Variants in KDR observed in about 807,000 individuals in gnomAD.
The protein encoded by KDR is vascular endothelial growth factor receptor 2.
In KDR, 43 loss-of-function variants were observed where a neutral mutation model predicts 160.9. That is an observed-to-expected ratio of 0.27 (90% CI 0.21 to 0.34). KDR has a LOEUF of 0.34. Ranked by LOEUF, KDR falls within the 10% of genes least tolerant of loss-of-function variation. The probability of loss-of-function intolerance (pLI) is 1.00; values close to 1 mark genes in which losing one functional copy is unlikely to be tolerated. For missense variants in KDR, 1,469 were observed against 1,666.4 expected, an observed-to-expected ratio of 0.88 and a Z score of 2.06; for synonymous variants, 617 against 600.1, an observed-to-expected ratio of 1.03 and a Z score of -0.41.
chr4:55,094,887 G>A lies in KDR; in HGVS notation c.2886C>T (p.Arg962=). 6.2e-7 allele frequency: 1 copy of A among 1,613,968 alleles called. No homozygotes were observed. Among genetic ancestry groups the A allele is most frequent in the Non-Finnish European group, 8.5e-7 (1 of 1,179,866 alleles). The change falls in exon 21 of 30, where the codon CGC becomes CGT. Residue 962 remains arginine (R), a synonymous_variant. Transcript: ENST00000263923. ...VGAIPVDLKR[R]LDSITSSQSS... is the part of the protein sequence containing the mutation. ...TCTGGCTACTGGTGATGCTGTCCAA[G>A]CGCCGTTTCAGATCCACAGGGATTG...
At chr4:55,092,424 C>T (rs1720041574) in intron 22 of KDR, 193 bp downstream of exon 22, 1 of 605,820 alleles carries the variant, frequency 1.7e-6, no homozygotes, top group South Asian at 1.8e-5. Context: ...CTTTATTATA[C>T]AGCTTAATTT....
At chr4:55,117,950 C>A (rs1320297834) in intron 3 of KDR, among the ~76,000 whole-genome samples, 1 of 152,068 alleles carries the variant, frequency 6.6e-6, no homozygotes, top group Non-Finnish European at 1.5e-5. Flanking sequence ...TTATTTTATA[C>A]TATATGGATG....
chr4:55,109,504 G>A (rs992079297), intron 9 of KDR, among the ~76,000 whole-genome samples: 4 of 152,124 alleles, frequency 2.6e-5, no homozygotes, highest in African/African-American at 9.7e-5. Flanking sequence ...GTTTTAATAT[G>A]CCGTACCAGA....
At chr4:55,081,105 A>G (rs78146111) in intron 29 of KDR, among the ~76,000 whole-genome samples, 8,702 of 152,352 alleles carry the variant, frequency 0.057, 313 homozygotes, top group Middle Eastern at 0.11. Flanking sequence ...AATGAAACAT[A>G]TCATTGACTT....
chr4:55,117,045 T>C (rs1469953860), intron 3 of KDR, among the ~76,000 whole-genome samples: 5 of 152,204 alleles, frequency 3.3e-5, no homozygotes, highest in African/African-American at 1.2e-4. Flanking sequence ...ATTGCCTACC[T>C]TTCATCCACA....
rs1315952875 is a variant in KDR, at chr4:55,079,996, G to A, written c.4016C>T (p.Thr1339Ile). ...CGAGTCAGGCTGGAGAATCTGGGCT[G>A]TGCTACCGGTTTGCACTCCAATCTC... Reference protein sequence around the residue: ...LIEIGVQTGSTAQILQPDSGT... With the variant: ...LIEIGVQTGSIAQILQPDSGT... Residue 1339 changes from threonine to isoleucine, a missense_variant, in exon 30 of 30, where the codon ACA (threonine) becomes ATA (isoleucine). This residue lies in a region of KDR where 229 missense variants were observed against 197.8 expected (regional missense o/e 1.16). Transcript: ENST00000263923. 1.2e-5 allele frequency: 19 copies of A among 1,614,170 alleles called. No individual in the cohort carries two copies. The East Asian group carries it at 4.0e-4, about 34-fold the overall frequency.
intron 27 of KDR, among the ~76,000 whole-genome samples, chr4:55,083,555 C>T (rs1189758136): frequency 2.0e-5 from 3 of 152,120 alleles, no homozygotes; most frequent in Non-Finnish European, 4.4e-5. Context: ...CTTGAGAATG[C>T]TCCTTCCCGG....
chr4:55,097,525 A>G (rs1720192333), intron 18 of KDR, 137 bp downstream of exon 18: 1 of 654,138 alleles, frequency 1.5e-6, no homozygotes, highest in Middle Eastern at 3.2e-4. Context: ...TCCAATTTGC[A>G]CAAGGGCATT....
chr4:55,079,666 T>C lies in KDR; in HGVS notation c.*275A>G. 3 of 509,358 alleles carry C rather than the reference T, an allele frequency of 5.9e-6. No homozygotes were observed. The highest frequency in any genetic ancestry group is 1.1e-5 in the Non-Finnish European group (3 of 280,270). 31.6% of individuals were successfully genotyped at this position (509,358 alleles called of 1,614,324 possible). On this transcript the variant is annotated 3_prime_UTR_variant, in exon 30 of 30. Coordinates refer to ENST00000263923, the MANE Select transcript of KDR (RefSeq NM_002253.4). ...GAACGTCTTTGTTCTAAACCCATGG[T>C]GAGACCCGCAGCAGGGGGCATGATA... is the stretch of plus-strand genomic sequence containing the variant.
chr4:55,105,470 C>A (rs191086136), intron 12 of KDR, among the ~76,000 whole-genome samples: 2 of 152,258 alleles, frequency 1.3e-5, no homozygotes, highest in Admixed American at 1.3e-4. Flanking sequence ...TTCTGATTGC[C>A]TCCATAAAGC....
intron 22 of KDR, among the ~76,000 whole-genome samples, chr4:55,091,876 C>T (rs1720027224): frequency 6.6e-6 from 1 of 152,140 alleles, no homozygotes; most frequent in Non-Finnish European, 1.5e-5. Context: ...TGTTTACAAC[C>T]TTTGGAATAG....
chr4:55,120,313 A>G (rs1053335772), intron 2 of KDR, among the ~76,000 whole-genome samples: 5 of 152,120 alleles, frequency 3.3e-5, no homozygotes. Flanking sequence ...CACAGTCTCT[A>G]CCAAAAACAC....
chr4:55,094,805 C>T lies in KDR; in HGVS notation c.2968G>A (p.Glu990Lys), dbSNP rs897282597. Residue 990 changes from glutamate to lysine, a missense_variant, in exon 21 of 30, where the codon GAA becomes AAA. By Grantham distance (56) the Glu-to-Lys change is moderately conservative. Transcript: ENST00000263923. ...EKSLSDVEEEEAPEDLYKDFL... is the reference protein window; with the variant it reads ...EKSLSDVEEEKAPEDLYKDFL... The stretch of plus-strand genomic sequence containing the variant: ...TGCAGGAAGCACTAGCCAGTACCTT[C>T]CTCTTCTTCTACATCACTGAGGGAC... The T allele has an allele frequency of 6.2e-7, 1 of 1,613,894 alleles. No homozygotes were observed. Among genetic ancestry groups the T allele is most frequent in the East Asian group, 2.2e-5 (1 of 44,872 alleles).
intron 27 of KDR, among the ~76,000 whole-genome samples, chr4:55,083,813 G>C (rs1220623037): frequency 2.0e-5 from 3 of 152,224 alleles, no homozygotes; most frequent in African/African-American, 7.2e-5. Flanking sequence ...CCTATAGAGA[G>C]AGGAGAGAAT....
Position 55,097,748 on chromosome 4 carries a change from C to T in KDR, c.2528G>A (p.Gly843Asp), listed in dbSNP as rs1720198637. 1 of 1,612,578 alleles carries T rather than the reference C, an allele frequency of 6.2e-7. No homozygotes were observed. The highest frequency in any genetic ancestry group is 1.3e-5 in the African/African-American group (1 of 74,708). Residue 843 changes from glycine (G) to aspartate (D), a missense_variant, in exon 18 of 30, where the codon GGT (glycine) becomes GAT (aspartate). Gly to Asp is a moderately conservative substitution (Grantham distance 94, BLOSUM62 -1). Coordinates refer to ENST00000263923, the MANE Select transcript of KDR (RefSeq NM_002253.4). The stretch of plus-strand genomic sequence containing the variant: ...TGCTTCAATCACTTGGCCAAAGGCA[C>T]CACGGCCAAGAGGCTTACCTAGAGT... ...RLKLGKPLGR[G>D]AFGQVIEADA...
At chr4:55,091,326 CT>C (rs1720006691) in intron 22 of KDR, among the ~76,000 whole-genome samples, 1 of 152,150 alleles carries the variant, frequency 6.6e-6, no homozygotes, top group African/African-American at 2.4e-5. Context: ...GTGTTTTTGA[CT>C]TTTCCCCCCA....
chr4:55,095,099 C>A, intron 20 of KDR, 144 bp from the exon 21 acceptor site: 1 of 838,880 alleles, frequency 1.2e-6, no homozygotes, highest in African/African-American at 1.7e-5. Context: ...CAGGATTATG[C>A]AATCTCTGAG....
chr4:55,118,765 T>G lies in KDR; in HGVS notation c.197A>C (p.Asn66Thr). 1 of 1,614,176 alleles carries G rather than the reference T, an allele frequency of 6.2e-7. No individual in the cohort carries two copies. Among genetic ancestry groups the G allele is most frequent in the Non-Finnish European group, 8.5e-7 (1 of 1,180,024 alleles). ...QRDLDWLWPNNQSGSEQRVEV... is the reference protein window; with the variant it reads ...QRDLDWLWPNTQSGSEQRVEV... ...CACCCTTTGCTCACTGCCACTCTGA[T>G]TATTGGGCCAAAGCCAGTCCAAGTC... The change falls in exon 3 of 30, where the codon AAT (asparagine) becomes ACT (threonine). Residue 66 changes from asparagine (N) to threonine (T), a missense_variant. Around this residue, in one of 7 missense-constraint regions of KDR, gnomAD observed 792 missense variants for 840.9 expected, o/e 0.94. Transcript: ENST00000263923.
chr4:55,104,118 C>G (rs1720378959), intron 13 of KDR, among the ~76,000 whole-genome samples: 1 of 152,206 alleles, frequency 6.6e-6, no homozygotes, highest in South Asian at 2.1e-4. Context: ...CATCATCCCA[C>G]TCTTCATGCA....
Sources: gnomAD v4.1 joint callset for allele counts (sites outside exome capture counted in the v4.1 genomes callset) on GRCh38, gnomAD v4.1.1 for gene constraint, gnomAD v4.1.1 regional missense constraint, MANE v1.5 for transcripts, NCBI Gene and HGNC (gene_info 2026-07-23, HGNC 2026-07-21) for gene names.